The following MAPK4 variants were observed in gnomAD, a reference collection of about 807,000 sequenced individuals.
MAPK4 encodes Erk3-related.
In MAPK4, 22 loss-of-function variants were observed where a neutral mutation model predicts 47.7. The observed-to-expected ratio is 0.46, with a 90% CI of 0.33 to 0.66. MAPK4 has a LOEUF of 0.66. Ranked by LOEUF, MAPK4 falls within the 30% of genes least tolerant of loss-of-function variation. The pLI is 0.02. For synonymous variants in MAPK4, 390 were observed against 365.7 expected, an observed-to-expected ratio of 1.07 and a Z score of -0.76; for missense variants, 736 against 831.7, an observed-to-expected ratio of 0.88 and a Z score of 1.42.
intron 1 of MAPK4, among the ~76,000 whole-genome samples, chr18:50,636,573 C>A (rs973816996): frequency 6.6e-6 from 1 of 152,220 alleles, no homozygotes; most frequent in African/African-American, 2.4e-5. Flanking sequence ...CTCCTGACAG[C>A]CCCATTACAT....
chr18:50,687,753 A>T (rs1451763593), intron 2 of MAPK4, among the ~76,000 whole-genome samples: 1 of 151,556 alleles, frequency 6.6e-6, no homozygotes, highest in Non-Finnish European at 1.5e-5. Context: ...GACAAGCAAA[A>T]CCCCCACAGA....
In MAPK4 at chr18:50,718,859, A is replaced by T. The variant is rs1236152876; in HGVS notation, c.692-3079A>T. Among the ~76,000 whole-genome samples, 10 of 152,106 alleles carry T rather than the reference A, an allele frequency of 6.6e-5. No homozygotes were observed. In the East Asian group the frequency reaches 1.9e-3, roughly 29 times the overall value. ...CACTTTGGGAGGCCGAGGTGGGCGG[A>T]TTGCCTGAGGTCAGGAGCTCCAGAC... On this transcript the variant is annotated intron_variant, in intron 3 of 5. Transcript: ENST00000400384.
intron 1 of MAPK4, among the ~76,000 whole-genome samples, chr18:50,567,994 AGACCATCCTGGCTAACAC>A (rs2042215846): frequency 2.0e-5 from 3 of 152,032 alleles, no homozygotes; most frequent in Non-Finnish European, 4.4e-5. Context: ...CAGGCGATCG[AGACCATCCTGGCTAACAC>A]GGTGAAACCC....
At position 50,678,739 on chromosome 18, in the gene MAPK4, A is replaced by T. The variant is rs1908416036; in HGVS notation, c.546+14235A>T. Among the ~76,000 whole-genome samples the T allele has an allele frequency of 6.6e-6, 1 of 152,266 alleles. No homozygotes were observed. Among genetic ancestry groups the T allele is most frequent in the Admixed American group, 6.5e-5 (1 of 15,300 alleles). On this transcript the variant is annotated intron_variant, in intron 2 of 5. Coordinates refer to ENST00000400384, the MANE Select transcript of MAPK4 (RefSeq NM_002747.4). This position sits in a 1 kb window ranked among gnomAD's most constrained non-coding sequence, Gnocchi z 4.2. ...TTCTTGCTTTCTTCTCTTCCAAGAT[A>T]ACACGTTTGCCCTCTGCTGTCCATC...
At chr18:50,591,061 A>G (rs1272255619) in intron 1 of MAPK4, among the ~76,000 whole-genome samples, 3 of 152,222 alleles carry the variant, frequency 2.0e-5, no homozygotes, top group African/African-American at 4.8e-5. Flanking sequence ...GCTTATTCAA[A>G]TTCATATTGG....
At chr18:50,634,064 G>C (rs569595661) in intron 1 of MAPK4, among the ~76,000 whole-genome samples, 2 of 152,170 alleles carry the variant, frequency 1.3e-5, no homozygotes, top group Admixed American at 1.3e-4. Context: ...CCAGCTCCCT[G>C]TGGTTCCCAG....
At chr18:50,665,133 G>A (rs1907524502) in intron 2 of MAPK4, among the ~76,000 whole-genome samples, 2 of 152,214 alleles carry the variant, frequency 1.3e-5, no homozygotes, top group South Asian at 4.1e-4. Flanking sequence ...GTACTATTGC[G>A]ATTCCCCGTG....
chr18:50,575,893 A>T (rs1185897494), intron 1 of MAPK4, among the ~76,000 whole-genome samples: 1 of 152,190 alleles, frequency 6.6e-6, no homozygotes, highest in East Asian at 1.9e-4. Context: ...ATATGAAAAA[A>T]ATGCCAACAT....
chr18:50,577,280 G>T (rs540641033), intron 1 of MAPK4, among the ~76,000 whole-genome samples: 10 of 152,252 alleles, frequency 6.6e-5, no homozygotes, highest in African/African-American at 2.4e-4. Context: ...CCTACACACC[G>T]TATGCATGTG....
rs973891372 is a variant in MAPK4, at chr18:50,630,345, C to T, written c.-870-32744C>T. 9.2e-5 allele frequency among the ~76,000 whole-genome samples: 14 copies of T among 152,186 alleles called. 1 individual carries two copies. Among genetic ancestry groups the T allele is most frequent in the East Asian group, 1.9e-4 (1 of 5,190 alleles). On this transcript the variant is annotated intron_variant, in intron 1 of 5. Coordinates refer to ENST00000400384, the MANE Select transcript of MAPK4 (RefSeq NM_002747.4). ...CTGGGATTACAGGCGTGCACCACCA[C>T]GCCCAGCAAATTTTTGTATTTTTAA...
intron 1 of MAPK4, among the ~76,000 whole-genome samples, chr18:50,609,895 G>C (rs993962824): frequency 2.6e-5 from 4 of 152,276 alleles, no homozygotes; most frequent in Non-Finnish European, 5.9e-5. Flanking sequence ...CTGGATCCTG[G>C]TTCCCATTCT....
intron 1 of MAPK4, among the ~76,000 whole-genome samples, chr18:50,565,025 G>GA (rs1172106724): frequency 6.6e-6 from 1 of 152,196 alleles, no homozygotes; most frequent in African/African-American, 2.4e-5. Context: ...AGCTTCTTGG[G>GA]AAAGCAGTCT....
intron 1 of MAPK4, among the ~76,000 whole-genome samples, chr18:50,568,442 GA>G (rs1210992514): frequency 6.6e-6 from 1 of 152,180 alleles, no homozygotes; most frequent in Admixed American, 6.5e-5. Flanking sequence ...AACAGTCTCT[GA>G]AGTGGGTACT....
chr18:50,697,215 A>G (rs1909560586), intron 2 of MAPK4, among the ~76,000 whole-genome samples: 1 of 152,202 alleles, frequency 6.6e-6, no homozygotes. Context: ...GGGTTTATTC[A>G]GTTTTCACAC....
At chr18:50,669,498 C>A (rs1907798314) in intron 2 of MAPK4, 1 of 152,278 alleles carries the variant, frequency 6.6e-6, no homozygotes. Context: ...GGGGGGACCA[C>A]CCACTACCCT....
At chr18:50,559,846 G>T (rs1232897668), upstream of MAPK4, among the ~76,000 whole-genome samples, 17 of 151,648 alleles carry the variant, frequency 1.1e-4, 1 homozygote, top group East Asian at 2.7e-3. Flanking sequence ...CTCCCCAGGT[G>T]AGCTCGTCTC....
intron 1 of MAPK4, among the ~76,000 whole-genome samples, chr18:50,641,573 C>G (rs997085531): frequency 6.6e-6 from 1 of 152,076 alleles, no homozygotes. Flanking sequence ...TACTGAAACC[C>G]TCAATATGCT....
rs2042566163 is a variant in MAPK4, at chr18:50,604,465, T to C, written c.-871+44222T>C. Among the ~76,000 whole-genome samples, 3 of 152,330 alleles carry C rather than the reference T, an allele frequency of 2.0e-5. No individual in the cohort carries two copies. In the South Asian group the frequency reaches 6.2e-4, roughly 32 times the overall value. On this transcript the variant is annotated intron_variant, in intron 1 of 5. Coordinates refer to ENST00000400384, the MANE Select transcript of MAPK4 (RefSeq NM_002747.4). ...ATGGTTAGTAATTGCAAAATACCCC[T>C]AATCCATGAGGTATAAGCTTGCTTA...
At chr18:50,562,565 C>T (rs2042163439) in intron 1 of MAPK4, among the ~76,000 whole-genome samples, 2 of 152,244 alleles carry the variant, frequency 1.3e-5, no homozygotes, top group South Asian at 4.1e-4. Context: ...GAGTCTAAGT[C>T]CCATCATTGC....
Sources: allele counts gnomAD v4.1 joint callset (sites outside exome capture counted in the v4.1 genomes callset), GRCh38; gene constraint gnomAD v4.1.1; non-coding constraint Gnocchi (gnomAD v3.1); transcripts MANE v1.5; gene names NCBI Gene and HGNC (gene_info 2026-07-23, HGNC 2026-07-21).